Variants in KCNJ3 observed in about 807,000 individuals in gnomAD.
The protein encoded by KCNJ3 is potassium inwardly rectifying channel subfamily J member 3.
KCNJ3 carries 4 observed loss-of-function variants against 39.2 expected under a neutral mutation model. The ratio of observed to expected loss-of-function variants is 0.10; its 90% CI spans 0.05 to 0.23. KCNJ3 has a LOEUF of 0.23. Ranked by LOEUF, KCNJ3 falls within the 10% of genes least tolerant of loss-of-function variation. KCNJ3 has a pLI of 1.00. For missense variants in KCNJ3, 276 were observed against 634.9 expected, an observed-to-expected ratio of 0.43 and a Z score of 6.08; for synonymous variants, 230 against 237.4, an observed-to-expected ratio of 0.97 and a Z score of 0.29.
intron 2 of KCNJ3, among the ~76,000 whole-genome samples, chr2:154,745,757 G>C (rs2105177860): frequency 6.6e-6 from 1 of 151,976 alleles, no homozygotes; most frequent in Non-Finnish European, 1.5e-5. Context: ...TTGAAACCTG[G>C]ACATTAATTG....
rs1687834530 is a variant in KCNJ3, at chr2:154,856,158, ATTAAT to A, written c.*848_*852del. The A allele has an allele frequency of 6.6e-6, 1 of 152,568 alleles. No homozygotes were observed. The highest frequency in any genetic ancestry group is 2.4e-5 in the African/African-American group (1 of 41,444). 9.5% of individuals were successfully genotyped at this position (152,568 alleles called of 1,614,324 possible). On this transcript the variant is annotated 3_prime_UTR_variant, in exon 3 of 3. Coordinates refer to ENST00000295101, the MANE Select transcript of KCNJ3 (RefSeq NM_002239.4). ...TAGTACTGGGGAGAAATAATTGTTG[ATTAAT>A]TTGAGAATTATTCCTTTCCTAGACT...
chr2:154,771,923 G>A (rs1281501408), intron 2 of KCNJ3, among the ~76,000 whole-genome samples: 1 of 152,120 alleles, frequency 6.6e-6, no homozygotes, highest in African/African-American at 2.4e-5. Flanking sequence ...CATACCCACG[G>A]TCACTTGTTA....
chr2:154,749,886 A>G (rs1312208556), intron 2 of KCNJ3, among the ~76,000 whole-genome samples: 1 of 151,898 alleles, frequency 6.6e-6, no homozygotes, highest in South Asian at 2.1e-4. Flanking sequence ...ATGTGATTAG[A>G]TGGGACCCAC....
chr2:154,803,836 C>T (rs376432415), intron 2 of KCNJ3, among the ~76,000 whole-genome samples: 38 of 151,828 alleles, frequency 2.5e-4, no homozygotes, highest in East Asian at 5.8e-4. Flanking sequence ...AAATGAGTAA[C>T]GCTGATTAGG....
intron 2 of KCNJ3, among the ~76,000 whole-genome samples, chr2:154,829,707 T>C (rs2105117977): frequency 6.6e-6 from 1 of 152,240 alleles, no homozygotes; most frequent in South Asian, 2.1e-4. Context: ...CCATGCTGAT[T>C]TTCAGTGTAT....
At chr2:154,803,297 A>C in intron 2 of KCNJ3, among the ~76,000 whole-genome samples, 1 of 152,122 alleles carries the variant, frequency 6.6e-6, no homozygotes, top group South Asian at 2.1e-4. Context: ...AAGAAATGTA[A>C]ATTTGTTATA....
At chr2:154,726,333 C>T (rs554278005) in intron 2 of KCNJ3, among the ~76,000 whole-genome samples, 5 of 152,178 alleles carry the variant, frequency 3.3e-5, no homozygotes, top group East Asian at 1.9e-4. Context: ...AGAAGATATA[C>T]AAGAGGTCAA....
rs573321861 is a variant in KCNJ3 at position 154,704,674 on chromosome 2, A to C, written c.703-4929A>C. On this transcript the variant is annotated intron_variant, in intron 1 of 2. Coordinates refer to ENST00000295101, the MANE Select transcript of KCNJ3 (RefSeq NM_002239.4). The stretch of plus-strand genomic sequence containing the variant: ...ACAATGCCAATAAAATTCTAGGTCT[A>C]CATTCCCCTCCACCTGACTACTTAA... Among the ~76,000 whole-genome samples the C allele has an allele frequency of 3.3e-5, 5 of 152,248 alleles. No homozygotes were observed. The South Asian group carries it at 8.3e-4, about 25-fold the overall frequency.
At chr2:154,769,378 TGA>T (rs1686196186) in intron 2 of KCNJ3, among the ~76,000 whole-genome samples, 3 of 152,204 alleles carry the variant, frequency 2.0e-5, no homozygotes, top group Admixed American at 2.0e-4. Context: ...CCTAATTTAT[TGA>T]GAGTTTTTAG....
At chr2:154,779,453 T>TTA (rs201234004) in intron 2 of KCNJ3, among the ~76,000 whole-genome samples, 6,260 of 143,372 alleles carry the variant, frequency 0.044, 224 homozygotes, top group East Asian at 0.21. Context: ...TATATATATT[T>TTA]TATATATATA....
rs770362925 is a variant in KCNJ3, at chr2:154,698,884, C to G, written c.109C>G (p.Leu37Val). The part of the protein sequence containing the change: ...QGPGQDPQQQ[L>V]VPKKKRQRFV... ...GCCAGGCCAGGACCCTCAGCAGCAGCTTGTGCCCAAGAAGAAGCGGCAGCG... is the reference window on the plus strand; with the variant it reads ...GCCAGGCCAGGACCCTCAGCAGCAGGTTGTGCCCAAGAAGAAGCGGCAGCG... Residue 37 changes from leucine to valine, a missense_variant, in exon 1 of 3, where the codon CTT (leucine) becomes GTT (valine). This residue lies in a region of KCNJ3 where 27 missense variants were observed against 48.5 expected (regional missense o/e 0.56). Transcript: ENST00000295101. 1 of 1,614,058 alleles carries G rather than the reference C, an allele frequency of 6.2e-7. No homozygotes were observed. The highest frequency in any genetic ancestry group is 8.5e-7 in the Non-Finnish European group (1 of 1,180,050).
chr2:154,841,566 CTTT>C (rs1687577629), intron 2 of KCNJ3, among the ~76,000 whole-genome samples: 1 of 152,026 alleles, frequency 6.6e-6, no homozygotes, highest in South Asian at 2.1e-4. Flanking sequence ...TGGTCCTGGA[CTTT>C]TTTTGGTTGG....
chr2:154,796,606 G>T (rs1002679456), intron 2 of KCNJ3, among the ~76,000 whole-genome samples: 2 of 150,912 alleles, frequency 1.3e-5, no homozygotes, highest in African/African-American at 2.4e-5. Flanking sequence ...GCTAACTAAT[G>T]TTTGAGTCAC....
rs1204045967 is a variant in KCNJ3, at chr2:154,698,862, A to G, written c.87A>G (p.Pro29=). Residue 29 remains proline, a synonymous_variant, in exon 1 of 3, where the codon CCA becomes CCG. Coordinates refer to ENST00000295101, the MANE Select transcript of KCNJ3 (RefSeq NM_002239.4). ...GCTCGGGCTTGCAGCCCCAGGGGCC[A>G]GGCCAGGACCCTCAGCAGCAGCTTG... is the stretch of plus-strand genomic sequence containing the variant. ...SSGSGLQPQG[P]GQDPQQQLVP... is the part of the protein sequence containing the mutation. 6.2e-7 allele frequency: 1 copy of G among 1,614,154 alleles called. No individual in the cohort carries two copies. The highest frequency in any genetic ancestry group is 8.5e-7 in the Non-Finnish European group (1 of 1,180,016).
At chr2:154,826,143 A>G (rs925376596) in intron 2 of KCNJ3, among the ~76,000 whole-genome samples, 1 of 152,196 alleles carries the variant, frequency 6.6e-6, no homozygotes, top group African/African-American at 2.4e-5. Flanking sequence ...GCTCTGACTA[A>G]CTTACCTATG....
intron 2 of KCNJ3, among the ~76,000 whole-genome samples, chr2:154,818,040 A>G (rs1401477821): frequency 1.3e-5 from 2 of 152,168 alleles, no homozygotes; most frequent in Admixed American, 6.5e-5. Context: ...TATGAAAATC[A>G]TGAGCCACAC....
chr2:154,714,666 A>T (rs1300610546), intron 2 of KCNJ3, among the ~76,000 whole-genome samples: 4 of 152,190 alleles, frequency 2.6e-5, no homozygotes, highest in Non-Finnish European at 4.4e-5. Context: ...TTATATCCTC[A>T]TTCAGAAAAT....
chr2:154,769,359 C>G (rs1395990748), intron 2 of KCNJ3, among the ~76,000 whole-genome samples: 1 of 152,084 alleles, frequency 6.6e-6, no homozygotes, highest in Admixed American at 6.5e-5. Flanking sequence ...GAGATACGTC[C>G]CATCAGTACC....
At chr2:154,704,899 T>C (rs529633983) in intron 1 of KCNJ3, among the ~76,000 whole-genome samples, 76 of 152,254 alleles carry the variant, frequency 5.0e-4, no homozygotes, top group African/African-American at 1.5e-3. Context: ...ATATTACACG[T>C]GTAAAGAGGA....
Sources: gnomAD v4.1 joint callset for allele counts (sites outside exome capture counted in the v4.1 genomes callset) on GRCh38, gnomAD v4.1.1 for gene constraint, gnomAD v4.1.1 regional missense constraint, MANE v1.5 for transcripts, NCBI Gene and HGNC (gene_info 2026-07-23, HGNC 2026-07-21) for gene names.